Variants in TNFSF15 observed in about 807,000 individuals in gnomAD.
TNFSF15 encodes tumor necrosis factor ligand superfamily member 15.
A neutral mutation model predicts 26.4 loss-of-function variants in TNFSF15; 15 were observed. That is an observed-to-expected ratio of 0.57 (90% CI 0.38 to 0.87). The LOEUF is 0.87. TNFSF15 is among the 40% of genes least tolerant of loss of function. TNFSF15 has a pLI of 0.00. For missense variants in TNFSF15, 290 were observed against 306.1 expected (o/e 0.95, Z 0.39); for synonymous variants, 116 against 115.0 (o/e 1.01, Z -0.06).
intron 1 of TNFSF15, among the ~76,000 whole-genome samples, chr9:114,795,631 C>G (rs908353655): frequency 1.3e-5 from 2 of 152,156 alleles, no homozygotes; most frequent in African/African-American, 4.8e-5. Flanking sequence ...TCAAGGACTT[C>G]AGCATCTGCA....
In TNFSF15 at chr9:114,806,004, C is replaced by G. The variant is rs1829818795; in HGVS notation, c.9G>C (p.Glu3Asp). The part of the protein sequence containing the change: MA[E>D]DLGLSFGETA... Reference sequence around the variant, plus strand: ...TTTCCCCAAAGCTCAGTCCCAGATCCTCGGCCATGCTCCTGCTGCTCCTGG... The same window carrying G: ...TTTCCCCAAAGCTCAGTCCCAGATCGTCGGCCATGCTCCTGCTGCTCCTGG... Residue 3 changes from glutamate (E) to aspartate (D), a missense_variant, in exon 1 of 4, where the codon GAG becomes GAC. By Grantham distance (45) the Glu-to-Asp change is conservative. This residue lies in a region of TNFSF15 where 179 missense variants were observed against 165.9 expected (regional missense o/e 1.08). Transcript: ENST00000374045. 6.2e-7 allele frequency: 1 copy of G among 1,613,564 alleles called. No individual in the cohort carries two copies. Among genetic ancestry groups the G allele is most frequent in the South Asian group, 1.1e-5 (1 of 91,066 alleles).
chr9:114,793,823 T>C (rs1829640927), intron 1 of TNFSF15, among the ~76,000 whole-genome samples: 1 of 152,252 alleles, frequency 6.6e-6, no homozygotes, highest in African/African-American at 2.4e-5. Flanking sequence ...AAGGTTCTTT[T>C]CTTGAGAGAT....
At chr9:114,805,484 T>TC (rs1829808958) in intron 1 of TNFSF15, among the ~76,000 whole-genome samples, 1 of 152,212 alleles carries the variant, frequency 6.6e-6, no homozygotes, top group Non-Finnish European at 1.5e-5. Flanking sequence ...ACCGTGTTAG[T>TC]TATGTAATTT....
rs1829477452 is a variant in TNFSF15, at chr9:114,785,136, A to G, written c.*5316T>C. On this transcript the variant is annotated 3_prime_UTR_variant, in exon 4 of 4. Coordinates refer to ENST00000374045, the MANE Select transcript of TNFSF15 (RefSeq NM_005118.4). The stretch of plus-strand genomic sequence containing the variant: ...CAAAACAAAAATGATTTACGAATGA[A>G]GTTGAAAGACTGCTGGGCTTATTGT... The G allele has an allele frequency of 6.6e-6, 1 of 152,236 alleles. No homozygotes were observed. The highest frequency in any genetic ancestry group is 2.1e-4 in the South Asian group (1 of 4,830). 9.4% of individuals were successfully genotyped at this position (152,236 alleles called of 1,614,324 possible). A position where few individuals can be genotyped will look rare whatever the true frequency, so the allele number is the denominator to read the frequency against.
rs55745983 is a variant in TNFSF15 at position 114,795,223 on chromosome 9, C to T, written c.211-1655G>A. On this transcript the variant is annotated intron_variant, in intron 1 of 3. Coordinates refer to ENST00000374045, the MANE Select transcript of TNFSF15 (RefSeq NM_005118.4). ...ACAAAATTTATGATATTAAAAAAAG[C>T]CTTCTCTAATATGATTTCGACTCAA... Among the ~76,000 whole-genome samples the T allele has an allele frequency of 9.1e-3, 1,380 of 152,076 alleles. 10 individuals are homozygous for T. The highest frequency in any genetic ancestry group is 0.013 in the Non-Finnish European group (895 of 67,962).
rs775666236 is a variant in TNFSF15 at position 114,792,436 on chromosome 9, T to C, written c.272A>G (p.Asp91Gly). The C allele has an allele frequency of 1.9e-6, 3 of 1,614,040 alleles. No homozygotes were observed. The highest frequency in any genetic ancestry group is 2.2e-5 in the South Asian group (2 of 91,088). ...CAGGTGTGCCCTTGGCTTATCTCCG[T>C]CTGCTCTAAGAGGTGCATCTGTAAC... ...HQQVYAPLRADGDKPRAHLTV... is the reference protein window; with the variant it reads ...HQQVYAPLRAGGDKPRAHLTV... The change falls in exon 3 of 4, where the codon GAC becomes GGC. Residue 91 changes from aspartate to glycine, a missense_variant. By Grantham distance (94) the Asp-to-Gly change is moderately conservative. This residue lies in a region of TNFSF15 where 179 missense variants were observed against 165.9 expected (regional missense o/e 1.08). Transcript: ENST00000374045.
chr9:114,803,147 G>A (rs1026195598), intron 1 of TNFSF15, among the ~76,000 whole-genome samples: 1 of 152,094 alleles, frequency 6.6e-6, no homozygotes, highest in East Asian at 1.9e-4. Context: ...CCCTGTCTCT[G>A]TGGCTGGGCC....
chr9:114,805,743 T>C, intron 1 of TNFSF15, 60 bp downstream of exon 1: 1 of 1,498,778 alleles, frequency 6.7e-7, no homozygotes, highest in Non-Finnish European at 9.2e-7. Flanking sequence ...CTGAAATAGT[T>C]GCCACTCACT....
At chr9:114,799,028 C>T (rs1829706624) in intron 1 of TNFSF15, among the ~76,000 whole-genome samples, 1 of 152,230 alleles carries the variant, frequency 6.6e-6, no homozygotes, top group Non-Finnish European at 1.5e-5. Context: ...TCTGCTTCTG[C>T]CTGTTTATAC....
chr9:114,790,350 A>G lies in TNFSF15; in HGVS notation c.*102T>C, dbSNP rs970071019. 7.4e-6 allele frequency: 9 copies of G among 1,217,904 alleles called. No homozygotes were observed. In the South Asian group the frequency reaches 9.0e-5, roughly 12 times the overall value. The allele number at this position is 1,217,904 out of a possible 1,614,324, so 75.4% of individuals were successfully genotyped here. On this transcript the variant is annotated 3_prime_UTR_variant, in exon 4 of 4. Coordinates refer to ENST00000374045, the MANE Select transcript of TNFSF15 (RefSeq NM_005118.4). The stretch of plus-strand genomic sequence containing the variant: ...CCGTTGTCCCTGTGGAATGCCCCCT[A>G]CTCCCGGCCCCAAGAAAACCCCTGG...
chr9:114,793,551 C>T lies in TNFSF15; in HGVS notation c.228G>A (p.Glu76=). Residue 76 remains glutamate (E), a synonymous_variant, in exon 2 of 4, where the codon GAG becomes GAA. Coordinates refer to ENST00000374045, the MANE Select transcript of TNFSF15 (RefSeq NM_005118.4). ...AAACTTGCTGATGTGAAGGTGCAAA[C>T]TCCTGTCCTTTTAGAGCCTATTGGG... The part of the protein sequence containing the change: ...CVQFQALKGQ[E]FAPSHQQVYA... 3 of 1,613,912 alleles carry T rather than the reference C, an allele frequency of 1.9e-6. No individual in the cohort carries two copies. Among genetic ancestry groups the T allele is most frequent in the Non-Finnish European group, 2.5e-6 (3 of 1,179,794 alleles).
At chr9:114,805,315 A>G (rs540083184) in intron 1 of TNFSF15, among the ~76,000 whole-genome samples, 98 of 152,346 alleles carry the variant, frequency 6.4e-4, no homozygotes, top group African/African-American at 2.2e-3. Flanking sequence ...TAGCAGACTC[A>G]GAATAATCTC....
At chr9:114,798,302 C>A in intron 1 of TNFSF15, among the ~76,000 whole-genome samples, 1 of 151,974 alleles carries the variant, frequency 6.6e-6, no homozygotes, top group East Asian at 1.9e-4. Context: ...CAAAAAACAG[C>A]TGGTGCTTCT....
At chr9:114,790,980 A>G in intron 3 of TNFSF15, 74 bp from the exon 4 acceptor site, 1 of 1,453,402 alleles carries the variant, frequency 6.9e-7, no homozygotes, top group Non-Finnish European at 9.5e-7. Flanking sequence ...GTCTCATATC[A>G]TTTTCAAAAT....
rs995872392 is a variant in TNFSF15, at chr9:114,787,157, T to C, written c.*3295A>G. On this transcript the variant is annotated 3_prime_UTR_variant, in exon 4 of 4. Coordinates refer to ENST00000374045, the MANE Select transcript of TNFSF15 (RefSeq NM_005118.4). ...GCAAATAATAACCTGTCTCTACATG[T>C]AGTTTAAATAATGGATTCTACAATA... The C allele has an allele frequency of 2.0e-5, 3 of 152,162 alleles. No homozygotes were observed. In the East Asian group the frequency reaches 5.8e-4, roughly 29 times the overall value. 9.4% of individuals were successfully genotyped at this position (152,162 alleles called of 1,614,324 possible). A position where few individuals can be genotyped will look rare whatever the true frequency, so the allele number is the denominator to read the frequency against.
chr9:114,802,502 C>A lies in TNFSF15; in HGVS notation c.210+3301G>T, dbSNP rs533489520. Among the ~76,000 whole-genome samples the A allele has an allele frequency of 4.6e-5, 7 of 152,346 alleles. No homozygotes were observed. In the East Asian group the frequency reaches 1.4e-3, roughly 29 times the overall value. On this transcript the variant is annotated intron_variant, in intron 1 of 3. Coordinates refer to ENST00000374045, the MANE Select transcript of TNFSF15 (RefSeq NM_005118.4). The stretch of plus-strand genomic sequence containing the variant: ...TCCTGACCTCGTGATCCGCCTGCCT[C>A]AGCCTCCCAAAGTGCTGGGATTACA...
At chr9:114,795,853 T>C (rs1829666444) in intron 1 of TNFSF15, among the ~76,000 whole-genome samples, 1 of 152,236 alleles carries the variant, frequency 6.6e-6, no homozygotes, top group African/African-American at 2.4e-5. Flanking sequence ...CGTAGTCATG[T>C]GGATGTAATT....
In TNFSF15 at chr9:114,788,519, T is replaced by C. The variant is rs374149870; in HGVS notation, c.*1933A>G. 1 of 152,286 alleles carries C rather than the reference T, an allele frequency of 6.6e-6. No individual in the cohort carries two copies. Among genetic ancestry groups the C allele is most frequent in the African/African-American group, 2.4e-5 (1 of 41,478 alleles). The allele number at this position is 152,286 out of a possible 1,614,324, so 9.4% of individuals were successfully genotyped here. The stretch of plus-strand genomic sequence containing the variant: ...TTAATTATAACTCAATAAATATTAA[T>C]GAAGTGCTCCTGCTACACTGGACAC... On this transcript the variant is annotated 3_prime_UTR_variant, in exon 4 of 4. Coordinates refer to ENST00000374045, the MANE Select transcript of TNFSF15 (RefSeq NM_005118.4).
At chr9:114,796,034 C>T (rs549634021) in intron 1 of TNFSF15, among the ~76,000 whole-genome samples, 11 of 152,322 alleles carry the variant, frequency 7.2e-5, no homozygotes, top group Admixed American at 1.3e-4. Context: ...TACAGTCTGT[C>T]CAGCCCCTTT....
Sources: gnomAD v4.1 joint callset for allele counts (sites outside exome capture counted in the v4.1 genomes callset) on GRCh38, gnomAD v4.1.1 for gene constraint, gnomAD v4.1.1 regional missense constraint, MANE v1.5 for transcripts, NCBI Gene and HGNC (gene_info 2026-07-23, HGNC 2026-07-21) for gene names.